ZNF804B: variants seen among roughly 807,000 people sequenced by gnomAD.
ZNF804B encodes the protein zinc finger protein 804B.
ZNF804B carries 80 observed loss-of-function variants against 101.4 expected under a neutral mutation model. The ratio of observed to expected loss-of-function variants is 0.79; its 90% CI spans 0.66 to 0.95. The LOEUF is 0.95. Among genes scored for constraint, ZNF804B ranks in the 40% least tolerant of loss-of-function variants. ZNF804B has a pLI of 0.00. For missense variants in ZNF804B, 1,673 were observed against 1,561.9 expected, an observed-to-expected ratio of 1.07 and a Z score of -1.20; for synonymous variants, 622 against 558.8, an observed-to-expected ratio of 1.11 and a Z score of -1.59.
intron 2 of ZNF804B, among the ~76,000 whole-genome samples, chr7:89,228,176 G>C (rs547471343): frequency 6.6e-6 from 1 of 152,156 alleles, no homozygotes; most frequent in South Asian, 2.1e-4. Flanking sequence ...CTCTGGCTCA[G>C]GAGTGAAGCT....
At chr7:89,267,340 G>A (rs1261382505) in intron 2 of ZNF804B, among the ~76,000 whole-genome samples, 4 of 152,092 alleles carry the variant, frequency 2.6e-5, no homozygotes, top group Non-Finnish European at 5.9e-5. Flanking sequence ...ATCAGCCTAT[G>A]TTATCAGGAT....
At chr7:88,799,051 C>T (rs1169684723) in intron 1 of ZNF804B, among the ~76,000 whole-genome samples, 4 of 152,004 alleles carry the variant, frequency 2.6e-5, no homozygotes, top group East Asian at 1.9e-4. Flanking sequence ...ACTTATCTAC[C>T]TTTTTAATTC....
intron 1 of ZNF804B, among the ~76,000 whole-genome samples, chr7:89,207,893 G>C (rs1788738479): frequency 6.6e-6 from 1 of 151,974 alleles, no homozygotes; most frequent in African/African-American, 2.4e-5. Flanking sequence ...CCCGACTCAG[G>C]CTTAATATGC....
At chr7:89,017,215 A>G (rs1788581480) in intron 1 of ZNF804B, among the ~76,000 whole-genome samples, 1 of 152,224 alleles carries the variant, frequency 6.6e-6, no homozygotes, top group South Asian at 2.1e-4. Flanking sequence ...GAAGTTGCTT[A>G]TCAGCGTAAG....
intron 2 of ZNF804B, among the ~76,000 whole-genome samples, chr7:89,241,501 C>T (rs1051753792): frequency 6.6e-6 from 1 of 152,078 alleles, no homozygotes; most frequent in African/African-American, 2.4e-5. Flanking sequence ...GAAGTAGTGA[C>T]AACACTTGAG....
intron 1 of ZNF804B, among the ~76,000 whole-genome samples, chr7:88,779,101 A>G (rs1790187193): frequency 6.6e-6 from 1 of 152,230 alleles, no homozygotes; most frequent in Non-Finnish European, 1.5e-5. Context: ...AAAGACTACT[A>G]AATGACATGT....
chr7:88,794,821 T>C (rs751135646), intron 1 of ZNF804B: 3 of 1,613,632 alleles, frequency 1.9e-6, no homozygotes, highest in Non-Finnish European at 2.5e-6. Context: ...TTTCTTTAGG[T>C]GTAGTCGTTG....
Position 89,145,566 on chromosome 7 carries a change from C to T in ZNF804B, c.109-72589C>T, listed in dbSNP as rs73395216. Among the ~76,000 whole-genome samples, 882 of 152,176 alleles carry T rather than the reference C, an allele frequency of 5.8e-3. 9 individuals carry two copies. The highest frequency in any genetic ancestry group is 0.02 in the African/African-American group (829 of 41,544). ...AATTCAGGTATTATTCAATTCTTTA[C>T]AGCCATCATATTTTTATTTAAGAAA... On this transcript the variant is annotated intron_variant, in intron 1 of 3. Transcript: ENST00000333190.
chr7:88,887,801 A>G (rs967677769), intron 1 of ZNF804B, among the ~76,000 whole-genome samples: 5 of 151,806 alleles, frequency 3.3e-5, no homozygotes, highest in Non-Finnish European at 7.4e-5. Flanking sequence ...ATCTTTGTAC[A>G]CTTTCTGCTC....
At chr7:88,813,795 G>GGTAT (rs1384640570) in intron 1 of ZNF804B, among the ~76,000 whole-genome samples, 1 of 151,982 alleles carries the variant, frequency 6.6e-6, no homozygotes, top group African/African-American at 2.4e-5. Context: ...TTATCTACAG[G>GGTAT]GTATTTTATC....
At chr7:89,048,130 T>G (rs781522450) in intron 1 of ZNF804B, among the ~76,000 whole-genome samples, 8 of 151,944 alleles carry the variant, frequency 5.3e-5, no homozygotes, top group Non-Finnish European at 7.4e-5. Context: ...CCAAAGTCCA[T>G]TGTGTCATTC....
chr7:89,178,768 G>T (rs1265291892), intron 1 of ZNF804B, among the ~76,000 whole-genome samples: 1 of 151,922 alleles, frequency 6.6e-6, no homozygotes, highest in Non-Finnish European at 1.5e-5. Context: ...TGAGCTTTTT[G>T]CATTTAAAAG....
intron 1 of ZNF804B, among the ~76,000 whole-genome samples, chr7:89,187,912 T>C (rs927711175): frequency 1.3e-5 from 2 of 152,102 alleles, no homozygotes; most frequent in African/African-American, 4.8e-5. Context: ...AAGGAAGTCA[T>C]CACTTCTAGC....
chr7:89,195,445 G>T (rs1287436185), intron 1 of ZNF804B, among the ~76,000 whole-genome samples: 10 of 135,292 alleles, frequency 7.4e-5, no homozygotes, highest in South Asian at 2.4e-4. Flanking sequence ...AAACCCCATT[G>T]TCTCAGCCCA....
chr7:89,116,601 A>C (rs921107955), intron 1 of ZNF804B, among the ~76,000 whole-genome samples: 1 of 152,180 alleles, frequency 6.6e-6, no homozygotes, highest in East Asian at 1.9e-4. Flanking sequence ...TTAGTTATAA[A>C]ATTATAAAGC....
chr7:89,138,382 G>A (rs781126610), intron 1 of ZNF804B, among the ~76,000 whole-genome samples: 13 of 152,086 alleles, frequency 8.5e-5, no homozygotes, highest in African/African-American at 1.9e-4. Context: ...GCAGCTTTAC[G>A]ATGTGACCGT....
chr7:89,293,944 C>T (rs1012294076), intron 2 of ZNF804B, among the ~76,000 whole-genome samples: 5 of 151,908 alleles, frequency 3.3e-5, no homozygotes, highest in African/African-American at 9.7e-5. Context: ...AATTGTTTTC[C>T]GGTTTTGTTA....
At chr7:88,934,920 T>G (rs928501925) in intron 1 of ZNF804B, among the ~76,000 whole-genome samples, 2 of 151,806 alleles carry the variant, frequency 1.3e-5, no homozygotes, top group African/African-American at 4.8e-5. Context: ...AAAAGACACA[T>G]GCACATGCAT....
intron 1 of ZNF804B, among the ~76,000 whole-genome samples, chr7:89,071,781 T>TACACAC (rs36061852): frequency 0.23 from 34,660 of 147,646 alleles, 3,939 homozygotes; most frequent in East Asian, 0.36. Context: ...CACACAAATG[T>TACACAC]ACACACACAC....
Sources: allele counts gnomAD v4.1 joint callset (sites outside exome capture counted in the v4.1 genomes callset), GRCh38; gene constraint gnomAD v4.1.1; transcripts MANE v1.5; gene names NCBI Gene and HGNC (gene_info 2026-07-23, HGNC 2026-07-21).